The following ZC3H12B variants were observed in gnomAD, a reference collection of about 807,000 sequenced individuals.
ZC3H12B encodes probable ribonuclease ZC3H12B.
Under a neutral mutation model 43.9 loss-of-function variants are expected in ZC3H12B, and 7 were observed. The ratio of observed to expected loss-of-function variants is 0.16; its 90% CI spans 0.09 to 0.30. ZC3H12B has a LOEUF of 0.30. Among genes scored for constraint, ZC3H12B ranks in the 10% least tolerant of loss-of-function variants. The pLI, the probability that ZC3H12B is intolerant of heterozygous loss-of-function variation, is 1.00. For missense variants in ZC3H12B, 475 were observed against 670.2 expected, an observed-to-expected ratio of 0.71 and a Z score of 3.22; for synonymous variants, 222 against 241.7, an observed-to-expected ratio of 0.92 and a Z score of 0.76.
chrX:65,144,116 A>T, the ZC3H12B span, among the ~76,000 whole-genome samples: 1 of 111,583 alleles, frequency 9.0e-6, no homozygotes, highest in Non-Finnish European at 1.9e-5. Flanking sequence ...TTCTGCTGTG[A>T]ATCAATCTAG....
the ZC3H12B span, among the ~76,000 whole-genome samples, chrX:65,262,537 C>T: frequency 4.8e-4 from 53 of 111,168 alleles, no homozygotes; most frequent in African/African-American, 1.7e-3. Context: ...AGGATAAAAA[C>T]ATAATAAGTT....
At chrX:65,211,569 A>G in the ZC3H12B span, among the ~76,000 whole-genome samples, 1 of 101,260 alleles carries the variant, frequency 9.9e-6, no homozygotes. Flanking sequence ...AACTTGCTCA[A>G]AGTCATACAT....
intron 3 of ZC3H12B, among the ~76,000 whole-genome samples, chrX:65,499,648 C>T (rs778238952): frequency 9.0e-6 from 1 of 111,090 alleles, no homozygotes; most frequent in Non-Finnish European, 1.9e-5. Flanking sequence ...CATGCCAGTA[C>T]GGCTCAAACA....
intron 2 of ZC3H12B, among the ~76,000 whole-genome samples, chrX:65,383,193 C>T (rs1039750527): frequency 7.1e-5 from 8 of 112,010 alleles, no homozygotes; most frequent in African/African-American, 2.3e-4. Flanking sequence ...CCCTACCTGA[C>T]TTCCAACAAT....
intron 2 of ZC3H12B, among the ~76,000 whole-genome samples, chrX:65,371,020 G>A (rs180864697): frequency 4.5e-5 from 5 of 111,486 alleles, no homozygotes; most frequent in African/African-American, 1.6e-4. Flanking sequence ...ACAGTAATGT[G>A]GGATGGACTA....
At chrX:65,191,753 T>A in the ZC3H12B span, among the ~76,000 whole-genome samples, 1 of 109,617 alleles carries the variant, frequency 9.1e-6, no homozygotes, top group African/African-American at 3.4e-5. Flanking sequence ...AAAAACCAGC[T>A]CCTGGATTCA....
the ZC3H12B span, among the ~76,000 whole-genome samples, chrX:65,117,821 C>A: frequency 8.9e-6 from 1 of 111,911 alleles, no homozygotes; most frequent in Admixed American, 9.5e-5. Flanking sequence ...AACAGGGAAT[C>A]CTTTCCCCAT....
upstream of ZC3H12B, among the ~76,000 whole-genome samples, chrX:65,365,660 G>A (rs1018688637): frequency 9.0e-6 from 1 of 111,130 alleles, no homozygotes; most frequent in African/African-American, 3.3e-5. Context: ...AAGAAGACAG[G>A]AATGTCAGGC....
chrX:65,072,649 G>T, the ZC3H12B span, among the ~76,000 whole-genome samples: 1 of 111,846 alleles, frequency 8.9e-6, no homozygotes, highest in African/African-American at 3.3e-5. Context: ...GATATTGGGG[G>T]GCAGGGCTCA....
At chrX:65,090,669 G>T in the ZC3H12B span, among the ~76,000 whole-genome samples, 1 of 111,358 alleles carries the variant, frequency 9.0e-6, no homozygotes, top group African/African-American at 3.3e-5. Flanking sequence ...GACTCTGCAG[G>T]TGTCCCTTTT....
the ZC3H12B span, among the ~76,000 whole-genome samples, chrX:65,308,348 T>C: frequency 9.0e-6 from 1 of 110,630 alleles, no homozygotes; most frequent in African/African-American, 3.3e-5. Context: ...AAGCCTGGGC[T>C]CTGATAAAAC....
At chrX:65,499,282 A>G (rs1335725309) in intron 3 of ZC3H12B, 49 bp downstream of exon 8, 8 of 933,038 alleles carry the variant, frequency 8.6e-6, no homozygotes, top group Admixed American at 2.8e-5. Flanking sequence ...GTAAGAATAG[A>G]TTACATTTTA....
the ZC3H12B span, among the ~76,000 whole-genome samples, chrX:65,290,188 C>A: frequency 9.1e-6 from 1 of 110,444 alleles, no homozygotes; most frequent in Non-Finnish European, 1.9e-5. Context: ...ATAGATATTT[C>A]TTAAAAGGTG....
At chrX:65,315,103 CATAAAT>C in the ZC3H12B span, among the ~76,000 whole-genome samples, 7 of 110,873 alleles carry the variant, frequency 6.3e-5, no homozygotes, top group Admixed American at 6.7e-4. Context: ...AAGGAGAAAA[CATAAAT>C]ATAATAAATG....
At chrX:65,392,673 G>A (rs1344441338) in intron 2 of ZC3H12B, among the ~76,000 whole-genome samples, 1 of 112,116 alleles carries the variant, frequency 8.9e-6, no homozygotes, top group Non-Finnish European at 1.9e-5. Flanking sequence ...GGGGTGGGGG[G>A]CCCCTCTGCC....
chrX:65,405,481 G>C (rs1458271955), intron 3 of ZC3H12B, among the ~76,000 whole-genome samples: 1 of 110,859 alleles, frequency 9.0e-6, no homozygotes, highest in Admixed American at 9.6e-5. Flanking sequence ...TTAGCCAGGC[G>C]TGGTGACAGG....
the ZC3H12B span, among the ~76,000 whole-genome samples, chrX:65,057,970 G>C: frequency 9.0e-6 from 1 of 111,332 alleles, no homozygotes; most frequent in Non-Finnish European, 1.9e-5. Flanking sequence ...TGATTATTCT[G>C]GTTAGCCATT....
At chrX:65,450,709 GTATATGTATACATATGTGTATATATGTA>G (rs2067479176) in intron 3 of ZC3H12B, among the ~76,000 whole-genome samples, 6 of 19,215 alleles carry the variant, frequency 3.1e-4, no homozygotes, top group East Asian at 2.0e-3. Context: ...GTGTATATAT[GTATATGTATACATATGTGTATATATGTA>G]TATATATATA....
intron 2 of ZC3H12B, among the ~76,000 whole-genome samples, chrX:65,392,134 G>A (rs1229433143): frequency 3.6e-5 from 4 of 111,345 alleles, no homozygotes; most frequent in Admixed American, 2.9e-4. Context: ...CCTCCCAGCC[G>A]CCTGCCTTGG....
Sources: allele counts gnomAD v4.1 joint callset (sites outside exome capture counted in the v4.1 genomes callset), GRCh38; gene constraint gnomAD v4.1.1; transcripts MANE v1.5; gene names NCBI Gene and HGNC (gene_info 2026-07-23, HGNC 2026-07-21).